PMM2: variants seen among roughly 807,000 people sequenced by gnomAD.
PMM2 encodes phosphomannomutase 2.
Under a neutral mutation model 33.2 loss-of-function variants are expected in PMM2, and 35 were observed. That is an observed-to-expected ratio of 1.06 (90% CI 0.81 to 1.40). The LOEUF is 1.40. Ranked by LOEUF, PMM2 falls within the 40% of genes most tolerant of loss-of-function variation. The probability of loss-of-function intolerance (pLI) is 0.00; values close to 1 mark genes in which losing one functional copy is unlikely to be tolerated. For missense variants in PMM2, 386 were observed against 306.0 expected, an observed-to-expected ratio of 1.26 and a Z score of -1.95; for synonymous variants, 153 against 114.7, an observed-to-expected ratio of 1.33 and a Z score of -2.13.
chr16:8,815,122 G>A (rs1232112759), intron 7 of PMM2, among the ~76,000 whole-genome samples: 1 of 151,838 alleles, frequency 6.6e-6, no homozygotes, highest in Non-Finnish European at 1.5e-5. Context: ...CACTCAGTAT[G>A]TCTTCTCAGT....
chr16:8,807,344 G>T (rs1256506399), intron 4 of PMM2, among the ~76,000 whole-genome samples: 1 of 152,098 alleles, frequency 6.6e-6, no homozygotes, highest in African/African-American at 2.4e-5. Flanking sequence ...TCTGGCTTCT[G>T]TTGGCAAATC....
At chr16:8,840,186 A>G (rs1356304187) in intron 7 of PMM2, among the ~76,000 whole-genome samples, 1 of 151,822 alleles carries the variant, frequency 6.6e-6, no homozygotes, top group Non-Finnish European at 1.5e-5. Context: ...TGGTGGAGAT[A>G]GCTGGGGAGA....
intron 4 of PMM2, chr16:8,807,486 T>C (rs1240553059): frequency 2.7e-5 from 1 of 36,644 alleles, no homozygotes; most frequent in Non-Finnish European, 1.3e-4. Context: ...GCTTTCTTTT[T>C]GTTTTTTGTT....
intron 7 of PMM2, among the ~76,000 whole-genome samples, chr16:8,840,659 TC>T (rs1357522072): frequency 1.3e-5 from 2 of 151,986 alleles, no homozygotes; most frequent in African/African-American, 4.8e-5. Flanking sequence ...ACTTGCAACT[TC>T]CAGGAGGAAG....
chr16:8,833,638 G>C (rs536588951), intron 7 of PMM2, among the ~76,000 whole-genome samples: 1 of 151,394 alleles, frequency 6.6e-6, no homozygotes, highest in African/African-American at 2.4e-5. Flanking sequence ...AAGCTGAAGG[G>C]AGGTCTTGTG....
chr16:8,843,130 G>A (rs943670972), intron 7 of PMM2, among the ~76,000 whole-genome samples: 1 of 152,120 alleles, frequency 6.6e-6, no homozygotes, highest in African/African-American at 2.4e-5. Flanking sequence ...GTCTAAGTTG[G>A]CACCAGAGTT....
At chr16:8,804,174 G>T (rs1272433869) in intron 2 of PMM2, among the ~76,000 whole-genome samples, 1 of 151,196 alleles carries the variant, frequency 6.6e-6, no homozygotes, top group Admixed American at 6.6e-5. Flanking sequence ...GAGTAGCTGG[G>T]GTTACAGGCG....
intron 7 of PMM2, chr16:8,842,226 CGA>C (rs1345849175): frequency 6.6e-6 from 1 of 152,106 alleles, no homozygotes; most frequent in Non-Finnish European, 1.5e-5. Flanking sequence ...AGAATTATGC[CGA>C]GATAGGTAAC....
In PMM2 at chr16:8,848,832, C is replaced by T. The variant is rs2060946595; in HGVS notation, c.*1007C>T. The stretch of plus-strand genomic sequence containing the variant: ...CACCCAGACTTTACCACGGAGGCGG[C>T]TGAGTGCAGCTACAGCTAGGTCCGC... On this transcript the variant is annotated 3_prime_UTR_variant, in exon 8 of 8. Transcript: ENST00000268261. 1 of 152,402 alleles carries T rather than the reference C, an allele frequency of 6.6e-6. No individual in the cohort carries two copies. Among genetic ancestry groups the T allele is most frequent in the Non-Finnish European group, 1.5e-5 (1 of 68,046 alleles). The allele number at this position is 152,402 out of a possible 1,614,324, so 9.4% of individuals were successfully genotyped here.
At chr16:8,836,215 G>A (rs1351704960) in intron 7 of PMM2, among the ~76,000 whole-genome samples, 1 of 151,932 alleles carries the variant, frequency 6.6e-6, no homozygotes, top group South Asian at 2.1e-4. Flanking sequence ...TCCACTGTGA[G>A]AGTTACCCGA....
chr16:8,804,021 GGTTTT>G (rs796864766), intron 2 of PMM2, among the ~76,000 whole-genome samples: 54 of 72,610 alleles, frequency 7.4e-4, no homozygotes, highest in African/African-American at 2.5e-3. Context: ...TTGTTTTTTG[GGTTTT>G]TTTTGTTTTT....
At chr16:8,829,424 G>A (rs1430687498) in intron 7 of PMM2, among the ~76,000 whole-genome samples, 2 of 152,214 alleles carry the variant, frequency 1.3e-5, no homozygotes, top group African/African-American at 4.8e-5. Flanking sequence ...TCTGTTTTAT[G>A]GAACCACAGG....
chr16:8,834,594 G>A (rs1172114042), intron 7 of PMM2, among the ~76,000 whole-genome samples: 2 of 152,162 alleles, frequency 1.3e-5, no homozygotes, highest in Non-Finnish European at 2.9e-5. Context: ...AGGGAAGGGA[G>A]GGGGCCTGAA....
intron 7 of PMM2, among the ~76,000 whole-genome samples, chr16:8,814,092 C>G (rs2060693236): frequency 6.6e-6 from 1 of 151,968 alleles, no homozygotes; most frequent in South Asian, 2.1e-4. Flanking sequence ...GTCTCAAACC[C>G]CTGGGCTCAA....
At chr16:8,805,117 G>A (rs761037109) in intron 3 of PMM2, among the ~76,000 whole-genome samples, 90 of 152,074 alleles carry the variant, frequency 5.9e-4, no homozygotes, top group Non-Finnish European at 1.0e-3. Flanking sequence ...GAGTGCAGCG[G>A]CACGATCTCA....
rs2060943006 is a variant in PMM2 at position 8,848,366 on chromosome 16, G to A, written c.*541G>A. The A allele has an allele frequency of 5.4e-6, 1 of 185,892 alleles. No individual in the cohort carries two copies. Among genetic ancestry groups the A allele is most frequent in the African/African-American group, 2.4e-5 (1 of 42,348 alleles). 11.5% of individuals were successfully genotyped at this position (185,892 alleles called of 1,614,324 possible). ...CATGTCACCTTGATGGGGGCTGTGA[G>A]TGGGGCAGTGTGATACCCAGTGACT... On this transcript the variant is annotated 3_prime_UTR_variant, in exon 8 of 8. Coordinates refer to ENST00000268261, the MANE Select transcript of PMM2 (RefSeq NM_000303.3).
Position 8,801,828 on chromosome 16 carries a change from A to G in PMM2, c.96A>G (p.Leu32=). Residue 32 remains leucine (L), a synonymous_variant, in exon 2 of 8, where the codon CTA becomes CTG. Coordinates refer to ENST00000268261, the MANE Select transcript of PMM2 (RefSeq NM_000303.3). The part of the protein sequence containing the change: ...QKITKEMDDF[L]QKLRQKIKIG... ...TTACCAAAGAAATGGATGACTTCCT[A>G]CAAAAATTGAGGCAGAAGATCAAAA... 1 of 1,611,242 alleles carries G rather than the reference A, an allele frequency of 6.2e-7. No individual in the cohort carries two copies.
At chr16:8,800,321 A>G (rs2060605819) in intron 1 of PMM2, among the ~76,000 whole-genome samples, 1 of 150,078 alleles carries the variant, frequency 6.7e-6, no homozygotes, top group South Asian at 2.1e-4. Context: ...AGACCACACC[A>G]TTGCACTCCA....
intron 1 of PMM2, among the ~76,000 whole-genome samples, chr16:8,800,567 C>G (rs1453044804): frequency 6.6e-6 from 1 of 151,962 alleles, no homozygotes; most frequent in East Asian, 1.9e-4. Flanking sequence ...TAGATAGGAG[C>G]TTTGCTTTTA....
Sources: gnomAD v4.1 joint callset for allele counts (sites outside exome capture counted in the v4.1 genomes callset) on GRCh38, gnomAD v4.1.1 for gene constraint, MANE v1.5 for transcripts, NCBI Gene and HGNC (gene_info 2026-07-23, HGNC 2026-07-21) for gene names.